PLXNA4: variants seen among roughly 807,000 people sequenced by gnomAD.
The protein encoded by PLXNA4 is plexin A4, also known as plexin-A4.
In PLXNA4, 44 loss-of-function variants were observed where a neutral mutation model predicts 191.8. That is an observed-to-expected ratio of 0.23 (90% CI 0.18 to 0.29). PLXNA4 has a LOEUF of 0.29. PLXNA4 is among the 10% of genes least tolerant of loss of function. The probability of loss-of-function intolerance (pLI) is 1.00; values close to 1 mark genes in which losing one functional copy is unlikely to be tolerated. For synonymous variants in PLXNA4, 1,082 were observed against 1,009.5 expected (o/e 1.07, Z -1.36); for missense variants, 1,800 against 2,488.8 (o/e 0.72, Z 5.89).
At chr7:132,132,432 GTT>G (rs1563048096) in intron 31 of PLXNA4, among the ~76,000 whole-genome samples, 2,167 of 80,190 alleles carry the variant, frequency 0.027, 105 homozygotes, top group East Asian at 0.055. Context: ...GTTCTGTTCT[GTT>G]CTGTTCTGTT....
chr7:132,157,915 G>A (rs978479464), intron 25 of PLXNA4, among the ~76,000 whole-genome samples: 3 of 152,174 alleles, frequency 2.0e-5, no homozygotes, highest in African/African-American at 7.2e-5. Flanking sequence ...ATGAGTCTGT[G>A]GGCTCTTCAT....
intron 3 of PLXNA4, among the ~76,000 whole-genome samples, chr7:132,425,032 G>A (rs1049241474): frequency 2.6e-5 from 4 of 152,098 alleles, no homozygotes; most frequent in African/African-American, 4.8e-5. Context: ...ACTGTGCCAC[G>A]TCCCCTTGGC....
At chr7:132,606,782 C>A (rs778515489) in intron 2 of PLXNA4, among the ~76,000 whole-genome samples, 2 of 152,198 alleles carry the variant, frequency 1.3e-5, no homozygotes, top group Non-Finnish European at 2.9e-5. Context: ...GAGGAGGGAG[C>A]ACCTGATATA....
At chr7:132,299,967 C>G (rs1260357247) in intron 3 of PLXNA4, among the ~76,000 whole-genome samples, 3 of 152,184 alleles carry the variant, frequency 2.0e-5, no homozygotes, top group Admixed American at 6.5e-5. Flanking sequence ...GGAACCAGGG[C>G]AGGTCAAACA....
upstream of PLXNA4, among the ~76,000 whole-genome samples, chr7:132,581,660 G>A (rs982084130): frequency 6.6e-6 from 1 of 152,188 alleles, no homozygotes; most frequent in Non-Finnish European, 1.5e-5. Flanking sequence ...AAGCTCTGCT[G>A]CCGTGCCATG....
At chr7:132,289,114 G>A (rs1457508329) in intron 4 of PLXNA4, among the ~76,000 whole-genome samples, 1 of 152,164 alleles carries the variant, frequency 6.6e-6, no homozygotes, top group Non-Finnish European at 1.5e-5. Flanking sequence ...CAATCACGAT[G>A]CCTCCTCTCA....
At chr7:132,448,023 C>T (rs1159434213) in intron 3 of PLXNA4, among the ~76,000 whole-genome samples, 1 of 152,056 alleles carries the variant, frequency 6.6e-6, no homozygotes, top group Non-Finnish European at 1.5e-5. Flanking sequence ...AAAACAACAA[C>T]AACAGAAAAC....
intron 1 of PLXNA4, among the ~76,000 whole-genome samples, chr7:132,551,172 C>A (rs552614164): frequency 6.6e-6 from 1 of 152,174 alleles, no homozygotes; most frequent in East Asian, 1.9e-4. Context: ...TTGGAGACAG[C>A]GAGCTTAGGT....
At chr7:132,384,035 G>A in intron 3 of PLXNA4, 1 of 985,448 alleles carries the variant, frequency 1.0e-6, no homozygotes, top group Non-Finnish European at 1.2e-6. Context: ...AATATGGACA[G>A]TGAGACACAG....
At chr7:132,180,826 G>T (rs562536674) in intron 18 of PLXNA4, 94 bp from the exon 19 acceptor site, 10 of 1,515,804 alleles carry the variant, frequency 6.6e-6, no homozygotes, top group Non-Finnish European at 7.1e-6. Context: ...GTCCCATCCC[G>T]CTGGTGAGCT....
intron 1 of PLXNA4, among the ~76,000 whole-genome samples, chr7:132,513,511 T>G (rs937541812): frequency 2.6e-5 from 4 of 152,196 alleles, no homozygotes; most frequent in Non-Finnish European, 1.5e-5. Context: ...TCACAATATA[T>G]TCCCTGGCCC....
At chr7:132,261,389 G>A (rs959980767) in intron 4 of PLXNA4, among the ~76,000 whole-genome samples, 1 of 152,232 alleles carries the variant, frequency 6.6e-6, no homozygotes. Flanking sequence ...GACTGAACAA[G>A]GGCAGTGTGT....
At chr7:132,190,670 G>C (rs989324364) in intron 14 of PLXNA4, among the ~76,000 whole-genome samples, 1 of 152,212 alleles carries the variant, frequency 6.6e-6, no homozygotes, top group African/African-American at 2.4e-5. Flanking sequence ...CTCAGGGGTG[G>C]GGGCCTGGCT....
intron 4 of PLXNA4, among the ~76,000 whole-genome samples, chr7:132,255,373 A>G (rs1799397357): frequency 6.6e-6 from 1 of 152,190 alleles, no homozygotes; most frequent in African/African-American, 2.4e-5. Context: ...ATGACATAAT[A>G]CATGTAAAAC....
chr7:132,580,527 CAG>C (rs2116811541), upstream of PLXNA4, among the ~76,000 whole-genome samples: 1 of 152,282 alleles, frequency 6.6e-6, no homozygotes, highest in South Asian at 2.1e-4. Context: ...CACATTGCTT[CAG>C]AGAGTCCTGT....
intron 1 of PLXNA4, among the ~76,000 whole-genome samples, chr7:132,533,942 A>G (rs1259298236): frequency 6.6e-6 from 1 of 151,074 alleles, no homozygotes; most frequent in Non-Finnish European, 1.5e-5. Context: ...TATTATTATT[A>G]TTATTACTAT....
chr7:132,563,190 C>G (rs992428274), intron 1 of PLXNA4, among the ~76,000 whole-genome samples: 1 of 98,594 alleles, frequency 1.0e-5, no homozygotes, highest in Non-Finnish European at 2.2e-5. Flanking sequence ...TCTCCTTCCT[C>G]CTCCTCCTCT....
At chr7:132,572,319 G>T (rs1410781890) in intron 1 of PLXNA4, among the ~76,000 whole-genome samples, 2 of 152,154 alleles carry the variant, frequency 1.3e-5, no homozygotes, top group Non-Finnish European at 2.9e-5. Flanking sequence ...CTACTTAAAT[G>T]GTATCTAAAC....
chr7:132,299,953 A>G (rs965649764), intron 3 of PLXNA4, among the ~76,000 whole-genome samples: 2 of 152,210 alleles, frequency 1.3e-5, no homozygotes, highest in African/African-American at 4.8e-5. Context: ...CAAGGAAGGG[A>G]ACTGGAACCA....
Sources: gnomAD v4.1 joint callset for allele counts (sites outside exome capture counted in the v4.1 genomes callset) on GRCh38, gnomAD v4.1.1 for gene constraint, MANE v1.5 for transcripts, NCBI Gene and HGNC (gene_info 2026-07-23, HGNC 2026-07-21) for gene names.